IRAG2: variants seen among roughly 807,000 people sequenced by gnomAD.
IRAG2 encodes the protein lymphoid restricted membrane protein.
Under a neutral mutation model 69.9 loss-of-function variants are expected in IRAG2, and 45 were observed. The ratio of observed to expected loss-of-function variants is 0.64; its 90% CI spans 0.51 to 0.83. The LOEUF (loss-of-function observed/expected upper bound fraction) is 0.83. IRAG2 is among the 40% of genes least tolerant of loss of function. IRAG2 has a pLI of 0.00. For missense variants in IRAG2, 520 were observed against 587.0 expected (o/e 0.89, Z 1.18); for synonymous variants, 193 against 202.4 (o/e 0.95, Z 0.40).
Position 25,077,298 on chromosome 12 carries a change from A to AT in IRAG2, c.25-1946_25-1945insT, listed in dbSNP as rs1565563031. 1.8e-4 allele frequency among the ~76,000 whole-genome samples: 12 copies of AT among 66,992 alleles called. 2 individuals carry two copies. The highest frequency in any genetic ancestry group is 5.6e-4 in the African/African-American group (11 of 19,628). 43.9% of individuals were successfully genotyped at this position (66,992 alleles called of 152,430 possible). A position where few individuals can be genotyped will look rare whatever the true frequency, so the allele number is the denominator to read the frequency against. On this transcript the variant is annotated intron_variant, in intron 6 of 21. Transcript: ENST00000556887. ...ATGAAATATATATGATATATATATG[A>AT]AATATATATGATATATATGATATAT...
rs1286107803 is a variant in IRAG2 at position 25,064,290 on chromosome 12, T to C, written c.-207+474T>C. On this transcript the variant is annotated intron_variant, in intron 4 of 21. Coordinates refer to ENST00000556887, the MANE Select transcript of IRAG2 (RefSeq NM_001366544.2). ...AAAGCAAAAAACATCAAAAAAGTAT[T>C]CTAATGGGTGAGAGTAACATGAGCA... 3.3e-5 allele frequency among the ~76,000 whole-genome samples: 5 copies of C among 151,946 alleles called. No individual in the cohort carries two copies. In the East Asian group the frequency reaches 9.6e-4, roughly 29 times the overall value.
chr12:25,096,253 C>T (rs1284503232), intron 14 of IRAG2, among the ~76,000 whole-genome samples: 2 of 152,060 alleles, frequency 1.3e-5, no homozygotes, highest in Admixed American at 6.6e-5. Flanking sequence ...TATACAAAAT[C>T]GTTGTATCTC....
At chr12:25,000,720 A>G (rs1283491679), upstream of IRAG2, among the ~76,000 whole-genome samples, 3 of 152,256 alleles carry the variant, frequency 2.0e-5, no homozygotes, top group Non-Finnish European at 4.4e-5. Context: ...TGGGTTATCT[A>G]CAAGTGTACC....
chr12:25,037,881 AG>A (rs1260302904), intron 15 of IRAG2: 7 of 397,258 alleles, frequency 1.8e-5, no homozygotes, highest in Admixed American at 4.4e-5. Flanking sequence ...TATGCCATTG[AG>A]ATGGAATGTC....
At chr12:25,107,697 A>T in intron 21 of IRAG2, 120 bp from the exon 22 acceptor site, 1 of 861,828 alleles carries the variant, frequency 1.2e-6, no homozygotes, top group Non-Finnish European at 1.8e-6. Context: ...CATAATATGT[A>T]GATTAAAAGG....
upstream of IRAG2, among the ~76,000 whole-genome samples, chr12:25,003,225 C>A (rs990973591): frequency 6.6e-6 from 1 of 152,138 alleles, no homozygotes; most frequent in African/African-American, 2.4e-5. Flanking sequence ...ATGGAAATTT[C>A]TGTTAATGTC....
intron 4 of IRAG2, among the ~76,000 whole-genome samples, chr12:25,065,010 A>T (rs1004783971): frequency 6.6e-6 from 1 of 152,074 alleles, no homozygotes; most frequent in African/African-American, 2.4e-5. Context: ...GAGTCACTTG[A>T]ACCCAGGAAT....
chr12:25,107,893 A>G lies in IRAG2; in HGVS notation c.1333A>G (p.Ile445Val), dbSNP rs766820531. 16 of 1,614,042 alleles carry G rather than the reference A, an allele frequency of 9.9e-6. No homozygotes were observed. The highest frequency in any genetic ancestry group is 1.6e-4 in the Middle Eastern group (1 of 6,084). Reference sequence around the variant, plus strand: ...GGCTAATAAGGCCCTCTGGCTCTCTATTGCATTCATTGTACTGTTTGCAGC... The same window carrying G: ...GGCTAATAAGGCCCTCTGGCTCTCTGTTGCATTCATTGTACTGTTTGCAGC... ...RKANKALWLSIAFIVLFAALM... is the reference protein window; with the variant it reads ...RKANKALWLSVAFIVLFAALM... The change falls in exon 22 of 22, where the codon ATT becomes GTT. Residue 445 changes from isoleucine to valine, a missense_variant. Ile to Val is a conservative substitution (Grantham distance 29). Coordinates refer to ENST00000556887, the MANE Select transcript of IRAG2 (RefSeq NM_001366544.2).
chr12:25,108,261 A>G lies in IRAG2; in HGVS notation c.*201A>G. On this transcript the variant is annotated 3_prime_UTR_variant, in exon 22 of 22. Transcript: ENST00000556887. ...GAAGAAGTCTGCCTATGATCTTTGA[A>G]TGAGCTTTTTAAGGAAGAAATATTA... 1 of 591,604 alleles carries G rather than the reference A, an allele frequency of 1.7e-6. No individual in the cohort carries two copies. The highest frequency in any genetic ancestry group is 2.9e-6 in the Non-Finnish European group (1 of 350,810). The allele number at this position is 591,604 out of a possible 1,614,324, so 36.6% of individuals were successfully genotyped here.
Position 25,108,262 on chromosome 12 carries a change from T to G in IRAG2, c.*202T>G. On this transcript the variant is annotated 3_prime_UTR_variant, in exon 22 of 22. Coordinates refer to ENST00000556887, the MANE Select transcript of IRAG2 (RefSeq NM_001366544.2). The stretch of plus-strand genomic sequence containing the variant: ...AAGAAGTCTGCCTATGATCTTTGAA[T>G]GAGCTTTTTAAGGAAGAAATATTAT... 1 of 590,746 alleles carries G rather than the reference T, an allele frequency of 1.7e-6. No individual in the cohort carries two copies. 36.6% of individuals were successfully genotyped at this position (590,746 alleles called of 1,614,324 possible).
upstream of IRAG2, among the ~76,000 whole-genome samples, chr12:25,048,441 CA>C (rs1367176395): frequency 4.6e-5 from 7 of 152,014 alleles, no homozygotes; most frequent in East Asian, 5.8e-4. Context: ...GGACTACAGG[CA>C]CACACCACCA....
At chr12:25,044,716 T>C (rs1175635400) in intron 16 of IRAG2, among the ~76,000 whole-genome samples, 1 of 118,028 alleles carries the variant, frequency 8.5e-6, no homozygotes, top group Admixed American at 7.9e-5. Flanking sequence ...ACCAAGAAAA[T>C]ACGATATCTA....
intron 16 of IRAG2, among the ~76,000 whole-genome samples, chr12:25,038,883 A>G (rs1018309092): frequency 6.6e-5 from 10 of 152,172 alleles, no homozygotes; most frequent in Admixed American, 3.9e-4. Context: ...ACTGGGTTTT[A>G]TGTTTGACCT....
At chr12:25,051,604 G>A (rs1591941635), upstream of IRAG2, among the ~76,000 whole-genome samples, 1 of 152,198 alleles carries the variant, frequency 6.6e-6, no homozygotes, top group African/African-American at 2.4e-5. Flanking sequence ...GAGGTGTAAC[G>A]TAATGGCACC....
chr12:25,100,819 C>T (rs1488824792), intron 15 of IRAG2: 1 of 121,526 alleles, frequency 8.2e-6, no homozygotes, highest in Admixed American at 1.1e-4. Flanking sequence ...AGTCTCTGGA[C>T]CTAATCTTTT....
intron 10 of IRAG2, chr12:25,031,009 A>G (rs1404397556): frequency 1.0e-6 from 1 of 983,794 alleles, no homozygotes; most frequent in African/African-American, 1.7e-5. Context: ...AGCCAAGGAT[A>G]CCGGCTACAA....
chr12:25,093,183 T>TTTCC (rs1948189346), intron 14 of IRAG2: 1 of 153,988 alleles, frequency 6.5e-6, no homozygotes, highest in Non-Finnish European at 1.5e-5. Context: ...TGTCGTTGGT[T>TTTCC]TTCCTTCCTT....
upstream of IRAG2, among the ~76,000 whole-genome samples, chr12:25,050,993 A>G (rs1374907797): frequency 6.6e-6 from 1 of 152,196 alleles, no homozygotes; most frequent in African/African-American, 2.4e-5. Context: ...AGGAGTTGCT[A>G]CTCAATAGGT....
At chr12:25,104,098 A>G (rs753871143) in intron 19 of IRAG2, 40 bp downstream of exon 19, 2 of 1,569,568 alleles carry the variant, frequency 1.3e-6, no homozygotes, top group Non-Finnish European at 1.7e-6. Flanking sequence ...GAACCTTACT[A>G]TTTTATACTT....
Sources: allele counts gnomAD v4.1 joint callset (sites outside exome capture counted in the v4.1 genomes callset), GRCh38; gene constraint gnomAD v4.1.1; transcripts MANE v1.5; gene names NCBI Gene and HGNC (gene_info 2026-07-23, HGNC 2026-07-21).